NRXN1: variants seen among roughly 807,000 people sequenced by gnomAD.
NRXN1 encodes the protein neurexin 1, also known as neurexin-1.
A neutral mutation model predicts 150.9 loss-of-function variants in NRXN1; 39 were observed. The observed-to-expected ratio is 0.26, with a 90% CI of 0.20 to 0.34. NRXN1 has a LOEUF of 0.34. Among genes scored for constraint, NRXN1 ranks in the 10% least tolerant of loss-of-function variants. The pLI is 1.00. For missense variants in NRXN1, 1,815 were observed against 1,949.9 expected (o/e 0.93, Z 1.30); for synonymous variants, 924 against 757.0 (o/e 1.22, Z -3.62).
At chr2:50,778,067 C>T (rs539125345) in intron 5 of NRXN1, among the ~76,000 whole-genome samples, 8 of 152,226 alleles carry the variant, frequency 5.3e-5, no homozygotes, top group African/African-American at 1.7e-4. Flanking sequence ...ACCTCCTCCC[C>T]CCCTTTTTTC....
chr2:50,171,746 T>A (rs930308550), intron 18 of NRXN1, among the ~76,000 whole-genome samples: 1 of 152,196 alleles, frequency 6.6e-6, no homozygotes, highest in Non-Finnish European at 1.5e-5. Flanking sequence ...TTCTTGAATA[T>A]CCTTAAAAGT....
At chr2:50,779,328 A>G (rs1704050865) in intron 5 of NRXN1, among the ~76,000 whole-genome samples, 1 of 152,152 alleles carries the variant, frequency 6.6e-6, no homozygotes, top group South Asian at 2.1e-4. Context: ...AGTTTAATCC[A>G]TGTCCCTGCA....
At chr2:50,200,749 C>T (rs931528622) in intron 18 of NRXN1, among the ~76,000 whole-genome samples, 1 of 152,092 alleles carries the variant, frequency 6.6e-6, no homozygotes, top group East Asian at 1.9e-4. Context: ...TTTTAGTGCA[C>T]TGAGTTATGG....
Position 50,058,095 on chromosome 2 carries a change from G to C in NRXN1, c.3719-3051C>G, listed in dbSNP as rs530600284. 2.6e-5 allele frequency among the ~76,000 whole-genome samples: 4 copies of C among 152,204 alleles called. No homozygotes were observed. The East Asian group carries it at 7.7e-4, about 29-fold the overall frequency. The stretch of plus-strand genomic sequence containing the variant: ...ATTCACACATACATACATAGAATTT[G>C]TCCTCAAACATTTGACTAGTACTAA... On this transcript the variant is annotated intron_variant, in intron 19 of 22. Coordinates refer to ENST00000401669, the MANE Select transcript of NRXN1 (RefSeq NM_001330078.2).
At chr2:50,501,124 A>C (rs2091917024) in intron 13 of NRXN1, among the ~76,000 whole-genome samples, 1 of 152,222 alleles carries the variant, frequency 6.6e-6, no homozygotes, top group Non-Finnish European at 1.5e-5. Context: ...TTTAAGCTAG[A>C]TTTGAAGAAT....
intron 17 of NRXN1, among the ~76,000 whole-genome samples, chr2:50,337,697 T>C (rs946852421): frequency 1.4e-4 from 21 of 152,306 alleles, no homozygotes; most frequent in African/African-American, 7.2e-5. Context: ...TGAGGGAGAA[T>C]TGGGGTTGTG....
intron 5 of NRXN1, among the ~76,000 whole-genome samples, chr2:50,753,974 C>G (rs3914734): frequency 0.79 from 98,938 of 124,654 alleles, 39,712 homozygotes; most frequent in African/African-American, 0.92. Flanking sequence ...TGGGGGGGGG[C>G]GGAATTCCCA....
intron 21 of NRXN1, among the ~76,000 whole-genome samples, chr2:50,032,960 ACG>A (rs200479518): frequency 2.3e-3 from 353 of 151,080 alleles, no homozygotes; most frequent in African/African-American, 8.3e-3. Context: ...ACACACACAC[ACG>A]CCCCCATATT....
At chr2:50,459,082 T>C (rs975584096) in intron 17 of NRXN1, among the ~76,000 whole-genome samples, 7 of 152,078 alleles carry the variant, frequency 4.6e-5, no homozygotes, top group Non-Finnish European at 7.4e-5. Flanking sequence ...GCTAGGCATA[T>C]CCACAGCAAC....
At chr2:51,009,528 C>T (rs1325867889) in intron 2 of NRXN1, among the ~76,000 whole-genome samples, 1 of 151,870 alleles carries the variant, frequency 6.6e-6, no homozygotes, top group Non-Finnish European at 1.5e-5. Context: ...ATTGCATTGT[C>T]AAGTTCCATT....
In NRXN1 at chr2:50,936,842, T is replaced by C. The variant is rs140312973; in HGVS notation, c.773-10887A>G. On this transcript the variant is annotated intron_variant, in intron 2 of 22. Coordinates refer to ENST00000401669, the MANE Select transcript of NRXN1 (RefSeq NM_001330078.2). ...TCAATCACTTGAAAGTTTGTAAACA[T>C]GTATGAAAACGTGGGTAGTGTGATA... Among the ~76,000 whole-genome samples, 32 of 152,224 alleles carry C rather than the reference T, an allele frequency of 2.1e-4. No individual in the cohort carries two copies. In the East Asian group the frequency reaches 6.0e-3, roughly 29 times the overall value.
chr2:51,015,380 T>A (rs529352667), intron 2 of NRXN1, among the ~76,000 whole-genome samples: 2 of 152,066 alleles, frequency 1.3e-5, no homozygotes, highest in East Asian at 1.9e-4. Context: ...AATTGTGTAT[T>A]TGGCTCCAGT....
Position 50,641,850 on chromosome 2 carries a change from G to A in NRXN1, c.833-18235C>T, listed in dbSNP as rs556537041. Among the ~76,000 whole-genome samples the A allele has an allele frequency of 1.3e-4, 20 of 152,164 alleles. No homozygotes were observed. In the South Asian group the frequency reaches 4.1e-3, roughly 32 times the overall value. ...AGCACTTTTGGATGCTGCTGCAGGT[G>A]TTTCCTGTAGAGAACTCCCTGACAT... On this transcript the variant is annotated intron_variant, in intron 5 of 22. Coordinates refer to ENST00000401669, the MANE Select transcript of NRXN1 (RefSeq NM_001330078.2).
chr2:50,950,645 C>T (rs77634148), intron 2 of NRXN1, among the ~76,000 whole-genome samples: 2,831 of 152,194 alleles, frequency 0.019, 88 homozygotes, highest in African/African-American at 0.064. Context: ...TAGTGTGCCC[C>T]GCCCAAATTC....
chr2:50,251,730 G>T (rs2067107332), intron 17 of NRXN1, among the ~76,000 whole-genome samples: 1 of 152,170 alleles, frequency 6.6e-6, no homozygotes, highest in African/African-American at 2.4e-5. Context: ...CATTCTGACT[G>T]CTGTGCGATA....
Position 50,450,348 on chromosome 2 carries a change from A to G in NRXN1, c.3364+15094T>C, listed in dbSNP as rs182262527. Among the ~76,000 whole-genome samples the G allele has an allele frequency of 2.6e-4, 39 of 152,180 alleles. 1 individual carries two copies. The highest frequency in any genetic ancestry group is 8.4e-4 in the African/African-American group (35 of 41,526). ...AATTGTTAGTTATCTTATTAACAGT[A>G]TATTTACTTCATTCCATAAATATAT... is the stretch of plus-strand genomic sequence containing the variant. On this transcript the variant is annotated intron_variant, in intron 17 of 22. Coordinates refer to ENST00000401669, the MANE Select transcript of NRXN1 (RefSeq NM_001330078.2).
chr2:50,314,766 A>G (rs1258091069), intron 17 of NRXN1, among the ~76,000 whole-genome samples: 1 of 152,102 alleles, frequency 6.6e-6, no homozygotes, highest in Admixed American at 6.6e-5. Context: ...AGAATCATGA[A>G]GAGTAATGCC....
intron 2 of NRXN1, among the ~76,000 whole-genome samples, chr2:50,941,902 A>G (rs1689508906): frequency 6.6e-6 from 1 of 152,220 alleles, no homozygotes; most frequent in Non-Finnish European, 1.5e-5. Flanking sequence ...CCAAGACAAT[A>G]AGGAAAATAT....
intron 18 of NRXN1, among the ~76,000 whole-genome samples, chr2:50,162,636 G>A (rs1350276902): frequency 6.6e-6 from 1 of 151,932 alleles, no homozygotes; most frequent in Non-Finnish European, 1.5e-5. Flanking sequence ...GATTTCAAAT[G>A]TATATTACAC....
Sources: allele counts gnomAD v4.1 joint callset (sites outside exome capture counted in the v4.1 genomes callset), GRCh38; gene constraint gnomAD v4.1.1; transcripts MANE v1.5; gene names NCBI Gene and HGNC (gene_info 2026-07-23, HGNC 2026-07-21).